PLXNA4: variants seen among roughly 807,000 people sequenced by gnomAD.
The protein encoded by PLXNA4 is plexin-A4.
Under a neutral mutation model 191.8 loss-of-function variants are expected in PLXNA4, and 44 were observed. That is an observed-to-expected ratio of 0.23 (90% confidence interval 0.18 to 0.29). The LOEUF is 0.29. Among genes scored for constraint, PLXNA4 ranks in the 10% least tolerant of loss-of-function variants. The pLI, the probability that PLXNA4 is intolerant of heterozygous loss-of-function variation, is 1.00. For missense variants in PLXNA4, 1,800 were observed against 2,488.8 expected (o/e 0.72, Z 5.89); for synonymous variants, 1,082 against 1,009.5 (o/e 1.07, Z -1.36).
In PLXNA4 at chr7:132,178,713, T is replaced by TAC. The variant is rs56218462; in HGVS notation, c.3874+972_3874+973dup. Among the ~76,000 whole-genome samples the TAC allele has an allele frequency of 4.8e-3, 536 of 112,088 alleles. 32 individuals carry two copies. Among genetic ancestry groups the TAC allele is most frequent in the African/African-American group, 0.012 (306 of 26,564 alleles). The allele number at this position is 112,088 out of a possible 152,430, so 73.5% of individuals were successfully genotyped here. ...TAAATGAAACACATACACATACACATACACACACACACACACACTTGTAAA... is the reference window on the plus strand; with the variant it reads ...TAAATGAAACACATACACATACACATACACACACACACACACACACTTGTAAA... On this transcript the variant is annotated intron_variant, in intron 20 of 31. Transcript: ENST00000321063.
chr7:132,531,857 T>C (rs1031266539), intron 1 of PLXNA4, among the ~76,000 whole-genome samples: 3 of 152,204 alleles, frequency 2.0e-5, no homozygotes, highest in Admixed American at 6.5e-5. Context: ...GTAATTTGCA[T>C]TCTTAACAAG....
At chr7:132,454,600 C>T (rs1042384962) in intron 3 of PLXNA4, among the ~76,000 whole-genome samples, 4 of 152,056 alleles carry the variant, frequency 2.6e-5, no homozygotes, top group Non-Finnish European at 4.4e-5. Flanking sequence ...TCCCAACCCC[C>T]AGTACCTCTG....
intron 31 of PLXNA4, among the ~76,000 whole-genome samples, chr7:132,132,747 A>C (rs1001163376): frequency 3.9e-5 from 6 of 152,216 alleles, no homozygotes; most frequent in Non-Finnish European, 8.8e-5. Context: ...AGATCAGAGA[A>C]AGATGTGGAA....
At chr7:132,405,867 C>T (rs1368357172) in intron 3 of PLXNA4, among the ~76,000 whole-genome samples, 5 of 152,178 alleles carry the variant, frequency 3.3e-5, no homozygotes, top group Admixed American at 3.3e-4. Context: ...CCCAGGAAAA[C>T]AAGTCTTCCC....
intron 4 of PLXNA4, among the ~76,000 whole-genome samples, chr7:132,276,441 C>G (rs528562593): frequency 6.6e-6 from 1 of 151,956 alleles, no homozygotes; most frequent in Non-Finnish European, 1.5e-5. Context: ...TCTGCAATGA[C>G]CCCCCCTTTC....
intron 3 of PLXNA4, among the ~76,000 whole-genome samples, chr7:132,329,906 G>T (rs541163043): frequency 6.6e-6 from 1 of 152,310 alleles, no homozygotes; most frequent in Non-Finnish European, 1.5e-5. Flanking sequence ...TTCTACATTA[G>T]GCAACAGGTA....
chr7:132,271,202 T>C (rs1800055765), intron 4 of PLXNA4: 1 of 152,168 alleles, frequency 6.6e-6, no homozygotes, highest in African/African-American at 2.4e-5. Flanking sequence ...AGGATCCTCC[T>C]TGGAAGATCT....
In PLXNA4 at chr7:132,210,994, T is replaced by A. The variant is rs774983240; in HGVS notation, c.2247A>T (p.Arg749=). The A allele has an allele frequency of 5.0e-6, 8 of 1,613,660 alleles. No homozygotes were observed. The highest frequency in any genetic ancestry group is 6.8e-6 in the Non-Finnish European group (8 of 1,180,022). ...CILNIQGSEQ[R]VPALRFNSSS... is the part of the protein sequence containing the mutation. Reference sequence around the variant, plus strand: ...AGCTGTTGAAGCGCAGGGCGGGCACTCGCTGCTCGCTGCCCTGAATGTTGA... The same window carrying A: ...AGCTGTTGAAGCGCAGGGCGGGCACACGCTGCTCGCTGCCCTGAATGTTGA... Residue 749 remains arginine, a synonymous_variant, in exon 10 of 32, where the codon CGA becomes CGT. Coordinates refer to ENST00000321063, the MANE Select transcript of PLXNA4 (RefSeq NM_020911.2).
chr7:132,602,595 T>C (rs186706763), intron 2 of PLXNA4, among the ~76,000 whole-genome samples: 1 of 152,304 alleles, frequency 6.6e-6, no homozygotes, highest in Admixed American at 6.5e-5. Flanking sequence ...AGTCTTTCTT[T>C]CCAAGCCCCA....
At chr7:132,473,862 A>AG (rs986805575) in intron 3 of PLXNA4, among the ~76,000 whole-genome samples, 1 of 151,974 alleles carries the variant, frequency 6.6e-6, no homozygotes, top group Non-Finnish European at 1.5e-5. Flanking sequence ...CAAGAAAAAA[A>AG]AAAAGAAATT....
chr7:132,334,764 C>T (rs1005582009), intron 3 of PLXNA4, among the ~76,000 whole-genome samples: 2 of 152,196 alleles, frequency 1.3e-5, no homozygotes, highest in Admixed American at 6.5e-5. Context: ...ACATGAAACG[C>T]TCTTCCTTAT....
Position 132,198,858 on chromosome 7 carries a change from A to T in PLXNA4, c.2587-222T>A, listed in dbSNP as rs559822413. On this transcript the variant is annotated intron_variant, in intron 12 of 31. Coordinates refer to ENST00000321063, the MANE Select transcript of PLXNA4 (RefSeq NM_020911.2). ...TCACTAGGAGCAGTATGCAAAGCCC[A>T]TGGTACATCTTTCCATTTCATAGAA... is the stretch of plus-strand genomic sequence containing the variant. 3.9e-5 allele frequency among the ~76,000 whole-genome samples: 6 copies of T among 152,324 alleles called. No homozygotes were observed. The South Asian group carries it at 1.2e-3, about 32-fold the overall frequency.
intron 1 of PLXNA4, among the ~76,000 whole-genome samples, chr7:132,532,813 C>T (rs779350006): frequency 2.0e-5 from 3 of 152,214 alleles, no homozygotes; most frequent in Non-Finnish European, 2.9e-5. Flanking sequence ...TGTTGTCATG[C>T]CTTCACCCAG....
intron 2 of PLXNA4, among the ~76,000 whole-genome samples, chr7:132,641,784 A>G (rs73434749): frequency 0.027 from 4,142 of 152,258 alleles, 202 homozygotes; most frequent in African/African-American, 0.093. Flanking sequence ...AACCCCAGAT[A>G]TGCAATGTCA....
At chr7:132,563,723 TC>T in intron 1 of PLXNA4, among the ~76,000 whole-genome samples, 1 of 111,904 alleles carries the variant, frequency 8.9e-6, no homozygotes, top group Non-Finnish European at 1.8e-5. Flanking sequence ...CTCCTCCTCC[TC>T]TTCCTCTTCC....
intron 2 of PLXNA4, among the ~76,000 whole-genome samples, chr7:132,600,938 T>C (rs1280015629): frequency 6.6e-6 from 1 of 152,176 alleles, no homozygotes; most frequent in African/African-American, 2.4e-5. Flanking sequence ...GTTAGTTGTA[T>C]TGATTTCTGC....
intron 20 of PLXNA4, among the ~76,000 whole-genome samples, 197 bp downstream of exon 20, chr7:132,179,490 T>C (rs57986525): frequency 0.22 from 32,385 of 144,746 alleles, 5,126 homozygotes; most frequent in African/African-American, 0.47. Context: ...CATATATACA[T>C]ACAGATGTGC....
At chr7:132,374,123 T>C (rs1242273405) in intron 3 of PLXNA4, among the ~76,000 whole-genome samples, 2 of 152,186 alleles carry the variant, frequency 1.3e-5, no homozygotes, top group African/African-American at 4.8e-5. Context: ...CTCCCGTTCA[T>C]TCCCATTTGG....
chr7:132,599,205 C>A (rs1802772449), intron 2 of PLXNA4, among the ~76,000 whole-genome samples: 1 of 152,126 alleles, frequency 6.6e-6, no homozygotes. Context: ...CTCCTATGAT[C>A]TTTGCTTTGT....
Sources: allele counts gnomAD v4.1 joint callset (sites outside exome capture counted in the v4.1 genomes callset), GRCh38; gene constraint gnomAD v4.1.1; transcripts MANE v1.5; gene names NCBI Gene and HGNC (gene_info 2026-07-23, HGNC 2026-07-21).